NRXN1: variants seen among roughly 807,000 people sequenced by gnomAD.
NRXN1 encodes neurexin-1.
Under a neutral mutation model 150.9 loss-of-function variants are expected in NRXN1, and 39 were observed. The observed-to-expected ratio is 0.26, with a 90% CI of 0.20 to 0.34. NRXN1 has a LOEUF of 0.34. Among genes scored for constraint, NRXN1 ranks in the 10% least tolerant of loss-of-function variants. NRXN1 has a pLI of 1.00. For missense variants in NRXN1, 1,815 were observed against 1,949.9 expected, an observed-to-expected ratio of 0.93 and a Z score of 1.30; for synonymous variants, 924 against 757.0, an observed-to-expected ratio of 1.22 and a Z score of -3.62.
Position 51,026,358 on chromosome 2 carries a change from A to G in NRXN1, c.772+1144T>C, listed in dbSNP as rs1403250149. On this transcript the variant is annotated intron_variant, in intron 2 of 22. Coordinates refer to ENST00000401669, the MANE Select transcript of NRXN1 (RefSeq NM_001330078.2). ...TTAGCCACTGATTCGTCTTTTTCACACCACTCACTCACTTTCTGTTAGAGG... is the reference window on the plus strand; with the variant it reads ...TTAGCCACTGATTCGTCTTTTTCACGCCACTCACTCACTTTCTGTTAGAGG... 2.6e-6 allele frequency: 4 copies of G among 1,544,656 alleles called. No homozygotes were observed. The highest frequency in any genetic ancestry group is 8.9e-7 in the Non-Finnish European group (1 of 1,129,256).
chr2:50,478,404 T>G lies in NRXN1; in HGVS notation c.3071-5933A>C, dbSNP rs182488787. On this transcript the variant is annotated intron_variant, in intron 15 of 22. Transcript: ENST00000401669. ...CAAGATCATTTCTAAGTTCAAGGCT[T>G]GTAAAATATTCAAAATGGAAATCAA... Among the ~76,000 whole-genome samples the G allele has an allele frequency of 1.8e-3, 268 of 152,320 alleles. 2 individuals are homozygous for G. The highest frequency in any genetic ancestry group is 5.2e-3 in the Admixed American group (80 of 15,304).
At chr2:50,466,704 C>G (rs1016767377) in intron 16 of NRXN1, among the ~76,000 whole-genome samples, 7 of 151,524 alleles carry the variant, frequency 4.6e-5, no homozygotes, top group Non-Finnish European at 1.5e-5. Context: ...TTTAATTGTA[C>G]ATATGTATAT....
intron 17 of NRXN1, among the ~76,000 whole-genome samples, chr2:50,272,680 T>C (rs1211792513): frequency 1.3e-5 from 2 of 152,132 alleles, no homozygotes; most frequent in Non-Finnish European, 2.9e-5. Flanking sequence ...TAATTCTTCC[T>C]CTTTCAATAG....
chr2:49,981,795 T>C (rs544247446), intron 21 of NRXN1, among the ~76,000 whole-genome samples: 39 of 152,206 alleles, frequency 2.6e-4, no homozygotes, highest in African/African-American at 9.1e-4. Flanking sequence ...GACACTTACA[T>C]AAATACAGCA....
chr2:50,193,192 T>G (rs1449827881), intron 18 of NRXN1, among the ~76,000 whole-genome samples: 1 of 152,130 alleles, frequency 6.6e-6, no homozygotes, highest in Non-Finnish European at 1.5e-5. Flanking sequence ...TGATGATCCT[T>G]CCATATCCTC....
chr2:50,629,979 A>G (rs1311100473), intron 5 of NRXN1, among the ~76,000 whole-genome samples: 1 of 151,668 alleles, frequency 6.6e-6, no homozygotes, highest in Non-Finnish European at 1.5e-5. Context: ...ATGTTATGAT[A>G]AAATTGGGAA....
chr2:50,255,588 G>A (rs763667966), intron 17 of NRXN1, among the ~76,000 whole-genome samples: 19 of 152,056 alleles, frequency 1.2e-4, no homozygotes, highest in African/African-American at 1.9e-4. Flanking sequence ...TGAAACATAC[G>A]TCCTTAAGCT....
At chr2:51,016,907 T>C (rs537549982) in intron 2 of NRXN1, among the ~76,000 whole-genome samples, 1 of 152,252 alleles carries the variant, frequency 6.6e-6, no homozygotes, top group Admixed American at 6.5e-5. Flanking sequence ...ATATATACCA[T>C]GGAATACTAT....
At chr2:49,941,738 A>G (rs1672011311) in intron 22 of NRXN1, among the ~76,000 whole-genome samples, 1 of 152,206 alleles carries the variant, frequency 6.6e-6, no homozygotes, top group Non-Finnish European at 1.5e-5. Context: ...TGAAGAAAAC[A>G]CTAATTGAGA....
intron 17 of NRXN1, among the ~76,000 whole-genome samples, chr2:50,402,390 T>A (rs2082449892): frequency 1.3e-5 from 2 of 152,118 alleles, no homozygotes; most frequent in African/African-American, 4.8e-5. Flanking sequence ...TTTGCTTCAA[T>A]GTAAAGTATG....
intron 5 of NRXN1, among the ~76,000 whole-genome samples, chr2:50,895,726 G>C (rs1365250994): frequency 6.6e-6 from 1 of 151,620 alleles, no homozygotes; most frequent in Non-Finnish European, 1.5e-5. Flanking sequence ...GATTACAGGA[G>C]TGCGCCACCA....
intron 18 of NRXN1, among the ~76,000 whole-genome samples, chr2:50,189,834 G>T (rs1364816545): frequency 1.3e-5 from 2 of 152,138 alleles, no homozygotes; most frequent in Non-Finnish European, 2.9e-5. Flanking sequence ...TTTATCAATA[G>T]ATTTTAAGCA....
chr2:50,706,614 C>T (rs1694478949), intron 5 of NRXN1, among the ~76,000 whole-genome samples: 1 of 152,074 alleles, frequency 6.6e-6, no homozygotes, highest in Non-Finnish European at 1.5e-5. Context: ...TTTATAAAAG[C>T]TGAAAACACT....
At chr2:50,157,454 T>C (rs1280343938) in intron 18 of NRXN1, among the ~76,000 whole-genome samples, 2 of 152,090 alleles carry the variant, frequency 1.3e-5, no homozygotes, top group Admixed American at 1.3e-4. Flanking sequence ...GAATACGTAT[T>C]TTATTCATGA....
At chr2:50,099,647 G>A (rs961088842) in intron 18 of NRXN1, among the ~76,000 whole-genome samples, 10 of 152,044 alleles carry the variant, frequency 6.6e-5, no homozygotes, top group African/African-American at 9.7e-5. Context: ...TAGCTTCACC[G>A]TAGTTTGATG....
chr2:50,957,158 C>T (rs1169187394), intron 2 of NRXN1, among the ~76,000 whole-genome samples: 1 of 152,022 alleles, frequency 6.6e-6, no homozygotes, highest in Non-Finnish European at 1.5e-5. Flanking sequence ...AATCCCTATT[C>T]CATGATTAAA....
intron 17 of NRXN1, among the ~76,000 whole-genome samples, chr2:50,399,207 A>G (rs1000782881): frequency 6.6e-6 from 1 of 152,136 alleles, no homozygotes; most frequent in Non-Finnish European, 1.5e-5. Flanking sequence ...CCACTCCTAA[A>G]TATTGCATAA....
chr2:50,453,460 T>C (rs1387679338), intron 17 of NRXN1, among the ~76,000 whole-genome samples: 6 of 152,154 alleles, frequency 3.9e-5, no homozygotes, highest in African/African-American at 1.4e-4. Context: ...ACTTATTATT[T>C]AAACTTTTTT....
chr2:50,170,034 A>G (rs983815300), intron 18 of NRXN1, among the ~76,000 whole-genome samples: 27 of 152,112 alleles, frequency 1.8e-4, no homozygotes, highest in African/African-American at 6.3e-4. Context: ...AATATATTTT[A>G]CTTGGTGACA....
Sources: allele counts gnomAD v4.1 joint callset (sites outside exome capture counted in the v4.1 genomes callset), GRCh38; gene constraint gnomAD v4.1.1; transcripts MANE v1.5; gene names NCBI Gene and HGNC (gene_info 2026-07-23, HGNC 2026-07-21).